PAPPA: variants seen among roughly 807,000 people sequenced by gnomAD.
The protein encoded by PAPPA is pappalysin 1, also known as pappalysin-1.
Under a neutral mutation model 164.0 loss-of-function variants are expected in PAPPA, and 60 were observed. The ratio of observed to expected loss-of-function variants is 0.37; its 90% CI spans 0.30 to 0.45. The LOEUF (loss-of-function observed/expected upper bound fraction) is 0.45. Among genes scored for constraint, PAPPA ranks in the 20% least tolerant of loss-of-function variants. The pLI, the probability that PAPPA is intolerant of heterozygous loss-of-function variation, is 1.00. For missense variants in PAPPA, 1,782 were observed against 2,087.3 expected (o/e 0.85, Z 2.85); for synonymous variants, 875 against 814.1 (o/e 1.07, Z -1.27).
At chr9:116,247,433 C>T (rs1844810243) in intron 7 of PAPPA, among the ~76,000 whole-genome samples, 1 of 152,118 alleles carries the variant, frequency 6.6e-6, no homozygotes, top group South Asian at 2.1e-4. Flanking sequence ...TATCATATGA[C>T]TAGCGTTACT....
At chr9:116,387,161 G>A (rs10983132) in intron 21 of PAPPA, among the ~76,000 whole-genome samples, 22,755 of 152,064 alleles carry the variant, frequency 0.15, 2,132 homozygotes, top group Middle Eastern at 0.22. Flanking sequence ...TATGTGCTTC[G>A]CTGTGGCCTG....
rs1172321286 is a variant in PAPPA, at chr9:116,398,548, C to T, written c.*1932C>T. ...CCATATTATATCACTCCCAATAGCA[C>T]TGACCTGGTGATCAAAAACACTTGA... On this transcript the variant is annotated 3_prime_UTR_variant, in exon 22 of 22. Coordinates refer to ENST00000328252, the MANE Select transcript of PAPPA (RefSeq NM_002581.5). 11 of 1,279,954 alleles carry T rather than the reference C, an allele frequency of 8.6e-6. No homozygotes were observed. Among genetic ancestry groups the T allele is most frequent in the African/African-American group, 1.5e-5 (1 of 65,414 alleles). 79.3% of individuals were successfully genotyped at this position (1,279,954 alleles called of 1,614,324 possible).
At position 116,402,096 on chromosome 9, in the gene PAPPA, C is replaced by A. The variant is rs1333714007; in HGVS notation, c.*5480C>A. The A allele has an allele frequency of 6.6e-6, 1 of 152,170 alleles. No individual in the cohort carries two copies. Among genetic ancestry groups the A allele is most frequent in the Admixed American group, 6.6e-5 (1 of 15,214 alleles). The allele number at this position is 152,170 out of a possible 1,614,324, so 9.4% of individuals were successfully genotyped here. On this transcript the variant is annotated 3_prime_UTR_variant, in exon 22 of 22. Coordinates refer to ENST00000328252, the MANE Select transcript of PAPPA (RefSeq NM_002581.5). ...AATTTATATTTACACAATTGTTCAT[C>A]TAATTTATTTTTTCTATACAGTTTT...
chr9:116,381,513 GA>G (rs905800498), intron 20 of PAPPA, among the ~76,000 whole-genome samples: 4 of 152,182 alleles, frequency 2.6e-5, no homozygotes, highest in African/African-American at 9.7e-5. Flanking sequence ...GAGACTCCTG[GA>G]CTTTCCCCTA....
Position 116,154,140 on chromosome 9 carries a change from G to C in PAPPA, c.-33G>C. 1 of 1,432,414 alleles carries C rather than the reference G, an allele frequency of 7.0e-7. No homozygotes were observed. Among genetic ancestry groups the C allele is most frequent in the Admixed American group, 2.2e-5 (1 of 46,322 alleles). 88.7% of individuals were successfully genotyped at this position (1,432,414 alleles called of 1,614,324 possible). The stretch of plus-strand genomic sequence containing the variant: ...GCTGGCAGCTCCGGGTGGCGGTGCA[G>C]GGGCGAAGGGGGGGCGGGGGGAACC... On this transcript the variant is annotated 5_prime_UTR_variant, in exon 1 of 22. Coordinates refer to ENST00000328252, the MANE Select transcript of PAPPA (RefSeq NM_002581.5). The surrounding 1 kb of genome is among the most constrained non-coding windows in gnomAD (Gnocchi z 5.2).
chr9:116,304,949 G>A (rs771538094), intron 10 of PAPPA, among the ~76,000 whole-genome samples: 9 of 151,988 alleles, frequency 5.9e-5, no homozygotes, highest in Admixed American at 3.9e-4. Context: ...ATACAGGGTC[G>A]GGGAGGGAAT....
In PAPPA at chr9:116,277,403, G is replaced by A. The variant is rs565857161; in HGVS notation, c.2953+5987G>A. Reference sequence around the variant, plus strand: ...GACGAGGGTGATAATATCTCAGCTAGGTTGGTGGCATTCTTAACACTGGAG... The same window carrying A: ...GACGAGGGTGATAATATCTCAGCTAAGTTGGTGGCATTCTTAACACTGGAG... On this transcript the variant is annotated intron_variant, in intron 9 of 21. Coordinates refer to ENST00000328252, the MANE Select transcript of PAPPA (RefSeq NM_002581.5). 3.4e-4 allele frequency among the ~76,000 whole-genome samples: 52 copies of A among 152,198 alleles called. 1 individual carries two copies. The South Asian group carries it at 0.01, about 30-fold the overall frequency.
At chr9:116,317,966 A>AT (rs1020327303) in intron 10 of PAPPA, among the ~76,000 whole-genome samples, 6 of 152,210 alleles carry the variant, frequency 3.9e-5, no homozygotes, top group African/African-American at 1.4e-4. Flanking sequence ...TTAGCAATGT[A>AT]TTTTTTTAAA....
chr9:116,312,972 A>C (rs1019716715), intron 10 of PAPPA, among the ~76,000 whole-genome samples: 4 of 151,312 alleles, frequency 2.6e-5, no homozygotes, highest in African/African-American at 9.7e-5. Context: ...AGTCCCAGCT[A>C]CTCGGGAGGC....
At chr9:116,331,931 G>A (rs903008668) in intron 11 of PAPPA, among the ~76,000 whole-genome samples, 1 of 152,140 alleles carries the variant, frequency 6.6e-6, no homozygotes, top group Non-Finnish European at 1.5e-5. Context: ...CTTTTTTTGT[G>A]TGTGTGGGTT....
chr9:116,223,608 A>G (rs1206984757), intron 5 of PAPPA, among the ~76,000 whole-genome samples: 1 of 152,220 alleles, frequency 6.6e-6, no homozygotes, highest in Non-Finnish European at 1.5e-5. Context: ...TCCAAAACAT[A>G]TCTAATTAGG....
intron 15 of PAPPA, 152 bp from the exon 16 acceptor site, chr9:116,352,554 C>T: frequency 1.4e-6 from 1 of 698,786 alleles, no homozygotes; most frequent in Non-Finnish European, 2.6e-6. Flanking sequence ...CTCTTGATTT[C>T]CCTAGGCTCC....
In PAPPA at chr9:116,154,427, C is replaced by T. The variant is rs922666221; in HGVS notation, c.255C>T (p.Gly85=). Residue 85 remains glycine, a synonymous_variant, in exon 1 of 22, where the codon GGC becomes GGT. Transcript: ENST00000328252. The surrounding 1 kb of genome is among the most constrained non-coding windows in gnomAD (Gnocchi z 5.2). ...PRRRQQREAR[G]ATEEPSPPSR... The stretch of plus-strand genomic sequence containing the variant: ...GGCGGCAGCAGCGGGAGGCGAGGGG[C>T]GCCACCGAGGAGCCGAGCCCGCCGA... The T allele has an allele frequency of 1.3e-4, 160 of 1,250,350 alleles. No individual in the cohort carries two copies. The highest frequency in any genetic ancestry group is 1.5e-4 in the Non-Finnish European group (150 of 991,418). The allele number at this position is 1,250,350 out of a possible 1,614,324, so 77.5% of individuals were successfully genotyped here.
chr9:116,335,204 TG>T, intron 13 of PAPPA, 130 bp downstream of exon 13: 11 of 738,288 alleles, frequency 1.5e-5, no homozygotes, highest in Non-Finnish European at 1.8e-5. Flanking sequence ...ATCCATCCTC[TG>T]GCCTCTGGCC....
chr9:116,282,293 G>T (rs912597178), intron 9 of PAPPA, among the ~76,000 whole-genome samples: 3 of 152,054 alleles, frequency 2.0e-5, no homozygotes, highest in Admixed American at 2.0e-4. Flanking sequence ...TAATGTTTAG[G>T]GAATAAGAAC....
At chr9:116,392,581 G>A (rs1030596504) in intron 21 of PAPPA, among the ~76,000 whole-genome samples, 1 of 152,192 alleles carries the variant, frequency 6.6e-6, no homozygotes, top group African/African-American at 2.4e-5. Flanking sequence ...GTCCTTTCCA[G>A]GTTAGACCTA....
chr9:116,274,050 C>G (rs1248602091), intron 9 of PAPPA, among the ~76,000 whole-genome samples: 1 of 151,796 alleles, frequency 6.6e-6, no homozygotes, highest in Non-Finnish European at 1.5e-5. Context: ...ACCCAGAGAG[C>G]CTGACTCCAG....
At chr9:116,318,879 C>T (rs569153602) in intron 10 of PAPPA, among the ~76,000 whole-genome samples, 104 of 152,324 alleles carry the variant, frequency 6.8e-4, no homozygotes, top group African/African-American at 2.0e-3. Flanking sequence ...GAGGCCCAGC[C>T]GCCGACCCTC....
At chr9:116,392,926 A>C (rs1564254439) in intron 21 of PAPPA, among the ~76,000 whole-genome samples, 2 of 152,202 alleles carry the variant, frequency 1.3e-5, no homozygotes, top group African/African-American at 2.4e-5. Context: ...TGTAGTGGAG[A>C]CAAGGAGGCT....
Sources: gnomAD v4.1 joint callset for allele counts (sites outside exome capture counted in the v4.1 genomes callset) on GRCh38, gnomAD v4.1.1 for gene constraint, Gnocchi (gnomAD v3.1) non-coding constraint, MANE v1.5 for transcripts, NCBI Gene and HGNC (gene_info 2026-07-23, HGNC 2026-07-21) for gene names.